The following ATP6V1A variants were observed in gnomAD, a reference collection of about 807,000 sequenced individuals.
The protein encoded by ATP6V1A is ATPase H+ transporting V1 subunit A, also known as V-type proton ATPase catalytic subunit A.
In ATP6V1A, 18 loss-of-function variants were observed where a neutral mutation model predicts 70.1. The ratio of observed to expected loss-of-function variants is 0.26; its 90% confidence interval spans 0.18 to 0.38. ATP6V1A has a LOEUF of 0.38. Ranked by LOEUF, ATP6V1A falls within the 10% of genes least tolerant of loss-of-function variation. The probability of loss-of-function intolerance (pLI) is 1.00; values close to 1 mark genes in which losing one functional copy is unlikely to be tolerated. For missense variants in ATP6V1A, 424 were observed against 772.4 expected (o/e 0.55, Z 5.35); for synonymous variants, 232 against 253.8 (o/e 0.91, Z 0.82).
chr3:113,771,955 GTAGA>G (rs1200870927), intron 1 of ATP6V1A, among the ~76,000 whole-genome samples: 1 of 152,172 alleles, frequency 6.6e-6, no homozygotes. Context: ...CTGGGATGGG[GTAGA>G]TAGAGGAGTG....
chr3:113,781,761 T>A (rs1231583942), intron 3 of ATP6V1A, among the ~76,000 whole-genome samples: 1 of 152,192 alleles, frequency 6.6e-6, no homozygotes, highest in Non-Finnish European at 1.5e-5. Flanking sequence ...ACCAAGTGAA[T>A]TTTTTCTTCA....
chr3:113,783,465 A>G (rs1217340025), intron 3 of ATP6V1A, among the ~76,000 whole-genome samples: 1 of 152,196 alleles, frequency 6.6e-6, no homozygotes, highest in East Asian at 1.9e-4. Context: ...TTAAGATTTT[A>G]GGTTTTGTCC....
chr3:113,750,718 C>G (rs1228545774), intron 1 of ATP6V1A, among the ~76,000 whole-genome samples: 2 of 152,120 alleles, frequency 1.3e-5, no homozygotes, highest in Non-Finnish European at 2.9e-5. Context: ...ATGCCTAGAA[C>G]ATATTTTGTA....
In ATP6V1A at chr3:113,786,364, G is replaced by A; in HGVS notation, c.697G>A (p.Val233Ile). 1 of 1,613,586 alleles carries A rather than the reference G, an allele frequency of 6.2e-7. No individual in the cohort carries two copies. The highest frequency in any genetic ancestry group is 8.5e-7 in the Non-Finnish European group (1 of 1,179,714). The change falls in exon 6 of 15, where the codon GTC becomes ATC. Residue 233 changes from valine to isoleucine, a missense_variant. Physicochemically the swap from Val to Ile is conservative, Grantham distance 29. Around this residue, in one of 9 missense-constraint regions of ATP6V1A, gnomAD observed 22 missense variants for 45.6 expected, o/e 0.48. Transcript: ENST00000273398. ...ANHPLLTGQR[V>I]LDALFPCVQG... ...TCATCCTCTGTTGACTGGCCAGAGA[G>A]TCCTTGATGCCCTTTTTCCGTAAGT...
At chr3:113,806,726 C>G (rs1046530980) in intron 14 of ATP6V1A, among the ~76,000 whole-genome samples, 3 of 152,194 alleles carry the variant, frequency 2.0e-5, no homozygotes, top group Admixed American at 2.0e-4. Context: ...TCCCGAAGTG[C>G]TGGGATTACA....
rs868203754 is a variant in ATP6V1A, at chr3:113,747,913, C to G, written c.-14+800C>G. On this transcript the variant is annotated intron_variant, in intron 1 of 14. Transcript: ENST00000273398. ...GGTTCCCTGAAACCGAAATAAGAAA[C>G]TGATTGGGTTGGAAATAGTTAAACC... 5.3e-5 allele frequency among the ~76,000 whole-genome samples: 8 copies of G among 152,226 alleles called. 1 individual carries two copies. The Middle Eastern group carries it at 0.021, about 391-fold the overall frequency.
chr3:113,760,502 G>A (rs978436326), intron 1 of ATP6V1A, among the ~76,000 whole-genome samples: 19 of 152,236 alleles, frequency 1.2e-4, no homozygotes, highest in Admixed American at 1.1e-3. Context: ...GCCGAGGTGG[G>A]CGGATCACAA....
chr3:113,764,667 G>GT (rs534165424), intron 1 of ATP6V1A, among the ~76,000 whole-genome samples: 38 of 152,134 alleles, frequency 2.5e-4, no homozygotes, highest in Middle Eastern at 3.4e-3. Context: ...TTGATGTCTT[G>GT]TTTTTTCTTT....
intron 1 of ATP6V1A, among the ~76,000 whole-genome samples, chr3:113,766,649 GACCT>G (rs1708774987): frequency 6.6e-6 from 1 of 152,062 alleles, no homozygotes; most frequent in Non-Finnish European, 1.5e-5. Context: ...CCACCTTCAG[GACCT>G]AATTATGTAC....
rs894736871 is a variant in ATP6V1A at position 113,748,929 on chromosome 3, AG to A, written c.-14+1817del. ...TCCTTGATCTCTAGAGGAGAGGGGA[AG>A]AAAAAAAGGAAGTGTTACTTCAGTG... On this transcript the variant is annotated intron_variant, in intron 1 of 14. Transcript: ENST00000273398. 2.0e-4 allele frequency among the ~76,000 whole-genome samples: 31 copies of A among 151,920 alleles called. 1 individual carries two copies. Among genetic ancestry groups the A allele is most frequent in the African/African-American group, 4.8e-4 (20 of 41,386 alleles).
rs757130784 is a variant in ATP6V1A, at chr3:113,795,116, G to A, written c.1138G>A (p.Ala380Thr). 4 of 1,614,002 alleles carry A rather than the reference G, an allele frequency of 2.5e-6. No individual in the cohort carries two copies. In the African/African-American group the frequency reaches 4.0e-5, roughly 16 times the overall value. Reference sequence around the variant, plus strand: ...TAGTGGATATCCAGCCTATCTTGGTGCCCGTCTGGCCTCGTTTTATGAACG... The same window carrying A: ...TAGTGGATATCCAGCCTATCTTGGTACCCGTCTGGCCTCGTTTTATGAACG... ...ADSGYPAYLG[A>T]RLASFYERAG... Residue 380 changes from alanine (A) to threonine (T), a missense_variant, in exon 10 of 15, where the codon GCC becomes ACC. Physicochemically the swap from Ala to Thr is moderately conservative, Grantham distance 58. Around this residue, in one of 9 missense-constraint regions of ATP6V1A, gnomAD observed 58 missense variants for 181.5 expected, o/e 0.32. Transcript: ENST00000273398.
At chr3:113,789,598 G>A in intron 7 of ATP6V1A, 134 bp from the exon 8 acceptor site, 2 of 593,834 alleles carry the variant, frequency 3.4e-6, no homozygotes, top group Non-Finnish European at 3.0e-6. Flanking sequence ...GAGTGGTGGG[G>A]AATATTACTT....
In ATP6V1A at chr3:113,788,880, G is replaced by A; in HGVS notation, c.879+5G>A. 2 of 1,609,094 alleles carry A rather than the reference G, an allele frequency of 1.2e-6. No homozygotes were observed. Among genetic ancestry groups the A allele is most frequent in the East Asian group, 4.5e-5 (2 of 44,816 alleles). On this transcript the variant is annotated splice_donor_5th_base_variant and intron_variant, in intron 7 of 14. Coordinates refer to ENST00000273398, the MANE Select transcript of ATP6V1A (RefSeq NM_001690.4). ...GTCCTCCGGGACTTCCCAGAGGTCT[G>A]TATAAAGCTTCAAATAATATCCTAG...
In ATP6V1A at chr3:113,778,851, TA is replaced by T; in HGVS notation, c.82+18del. The T allele has an allele frequency of 2.0e-6, 3 of 1,483,278 alleles. No individual in the cohort carries two copies. Among genetic ancestry groups the T allele is most frequent in the South Asian group, 1.3e-5 (1 of 77,212 alleles). 91.9% of individuals were successfully genotyped at this position (1,483,278 alleles called of 1,614,324 possible). A position where few individuals can be genotyped will look rare whatever the true frequency, so the allele number is the denominator to read the frequency against. On this transcript the variant is annotated intron_variant, in intron 2 of 14. Transcript: ENST00000273398. Reference sequence around the variant, plus strand: ...TCAGGACCTGGTAAGTAATACATCATAATCTCAAAATAAGGATATCTAACTT... The same window carrying T: ...TCAGGACCTGGTAAGTAATACATCATATCTCAAAATAAGGATATCTAACTT...
At chr3:113,787,945 G>A (rs1040522255) in intron 6 of ATP6V1A, among the ~76,000 whole-genome samples, 8 of 152,124 alleles carry the variant, frequency 5.3e-5, no homozygotes, top group African/African-American at 1.4e-4. Context: ...TTAAGAGATA[G>A]GTTATCATTC....
At chr3:113,783,462 T>G (rs1044628736) in intron 3 of ATP6V1A, among the ~76,000 whole-genome samples, 3 of 152,200 alleles carry the variant, frequency 2.0e-5, no homozygotes, top group Non-Finnish European at 4.4e-5. Context: ...TTCTTAAGAT[T>G]TTAGGTTTTG....
At chr3:113,761,225 A>G (rs776798365) in intron 1 of ATP6V1A, among the ~76,000 whole-genome samples, 1 of 151,780 alleles carries the variant, frequency 6.6e-6, no homozygotes, top group Non-Finnish European at 1.5e-5. Context: ...TACAGGCATG[A>G]GCCACCGTAC....
Position 113,784,800 on chromosome 3 carries a change from T to A in ATP6V1A, c.531T>A (p.Thr177=). 1 of 1,614,142 alleles carries A rather than the reference T, an allele frequency of 6.2e-7. No homozygotes were observed. Among genetic ancestry groups the A allele is most frequent in the African/African-American group, 1.3e-5 (1 of 75,060 alleles). The part of the protein sequence containing the change: ...MLPPRNRGTV[T]YIAPPGNYDT... The stretch of plus-strand genomic sequence containing the variant: ...CCCCACGAAACAGAGGAACTGTAAC[T>A]TACATTGCTCCACCTGGGAATTATG... Residue 177 remains threonine, a synonymous_variant, in exon 5 of 15, where the codon ACT becomes ACA. Coordinates refer to ENST00000273398, the MANE Select transcript of ATP6V1A (RefSeq NM_001690.4).
chr3:113,753,709 T>C (rs1236476760), intron 1 of ATP6V1A, among the ~76,000 whole-genome samples: 3 of 151,600 alleles, frequency 2.0e-5, no homozygotes, highest in Non-Finnish European at 4.4e-5. Flanking sequence ...TTTTTTTTTT[T>C]TCCTGAGACA....
Sources: allele counts gnomAD v4.1 joint callset (sites outside exome capture counted in the v4.1 genomes callset), GRCh38; gene constraint gnomAD v4.1.1; regional missense constraint gnomAD v4.1.1; transcripts MANE v1.5; gene names NCBI Gene and HGNC (gene_info 2026-07-23, HGNC 2026-07-21).